ZFHX3: variants seen among roughly 807,000 people sequenced by gnomAD.
ZFHX3 encodes zinc finger homeobox protein 3.
Under a neutral mutation model 279.1 loss-of-function variants are expected in ZFHX3, and 42 were observed. The ratio of observed to expected loss-of-function variants is 0.15; its 90% CI spans 0.12 to 0.19. The LOEUF (loss-of-function observed/expected upper bound fraction) is 0.19. ZFHX3 is among the 10% of genes least tolerant of loss of function. ZFHX3 has a pLI of 1.00. For missense variants in ZFHX3, 4,981 were observed against 4,754.0 expected (o/e 1.05, Z -1.40); for synonymous variants, 2,293 against 1,957.8 (o/e 1.17, Z -4.52).
At chr16:72,900,951 G>A (rs897357962) in intron 3 of ZFHX3, among the ~76,000 whole-genome samples, 4 of 152,222 alleles carry the variant, frequency 2.6e-5, no homozygotes, top group Admixed American at 6.5e-5. Context: ...TTCCCAAAGA[G>A]TATCTTAAAT....
chr16:72,919,330 TG>T (rs1397347265), intron 3 of ZFHX3, among the ~76,000 whole-genome samples: 2 of 152,078 alleles, frequency 1.3e-5, no homozygotes, highest in Non-Finnish European at 2.9e-5. Context: ...GGCTAATTTT[TG>T]TATTTTTTTG....
intron 4 of ZFHX3, among the ~76,000 whole-genome samples, chr16:73,304,646 A>T (rs1236290573): frequency 2.0e-5 from 3 of 152,138 alleles, no homozygotes; most frequent in Non-Finnish European, 4.4e-5. Flanking sequence ...CTCTTATCTA[A>T]AGCAGCATGT....
Position 73,002,192 on chromosome 16 carries a change from G to A in ZFHX3, c.-49-41998C>T, listed in dbSNP as rs72795142. 8.9e-3 allele frequency among the ~76,000 whole-genome samples: 1,361 copies of A among 152,260 alleles called. 14 individuals are homozygous for A. Among genetic ancestry groups the A allele is most frequent in the Middle Eastern group, 0.014 (4 of 294 alleles). On this transcript the variant is annotated intron_variant, in intron 1 of 9. Coordinates refer to ENST00000268489, the MANE Select transcript of ZFHX3 (RefSeq NM_006885.4). ...ACTCAAACCCCCGCCAGGATAGCACGTGACTCTTTAGGGATTCCAGGAAAC... is the reference window on the plus strand; with the variant it reads ...ACTCAAACCCCCGCCAGGATAGCACATGACTCTTTAGGGATTCCAGGAAAC...
intron 1 of ZFHX3, among the ~76,000 whole-genome samples, chr16:73,833,326 C>G (rs1002619730): frequency 2.6e-5 from 4 of 152,096 alleles, no homozygotes; most frequent in Non-Finnish European, 4.4e-5. Flanking sequence ...TCATACCACT[C>G]AAGTCTGGGC....
chr16:73,206,980 T>A (rs1000089637), intron 5 of ZFHX3, among the ~76,000 whole-genome samples: 2 of 151,414 alleles, frequency 1.3e-5, no homozygotes, highest in Non-Finnish European at 2.9e-5. Context: ...ATCACGCCAC[T>A]GCACTCCAGC....
intron 4 of ZFHX3, among the ~76,000 whole-genome samples, chr16:73,268,591 G>A (rs905471915): frequency 6.6e-5 from 10 of 152,200 alleles, no homozygotes; most frequent in Non-Finnish European, 1.0e-4. Flanking sequence ...AATTAGCACC[G>A]TGGTAAATGC....
intron 2 of ZFHX3, among the ~76,000 whole-genome samples, chr16:73,562,041 C>G (rs139705738): frequency 6.6e-6 from 1 of 152,118 alleles, no homozygotes; most frequent in African/African-American, 2.4e-5. Flanking sequence ...TTGAGACAAG[C>G]GAATACATGT....
chr16:72,994,929 T>A (rs1032760378), intron 1 of ZFHX3, among the ~76,000 whole-genome samples: 2 of 152,200 alleles, frequency 1.3e-5, no homozygotes, highest in African/African-American at 4.8e-5. Context: ...AACCCCTGTT[T>A]GAAAGCATTC....
intron 1 of ZFHX3, among the ~76,000 whole-genome samples, chr16:73,808,095 G>A (rs1299718883): frequency 6.6e-6 from 1 of 152,146 alleles, no homozygotes; most frequent in Non-Finnish European, 1.5e-5. Context: ...TAAGGGTGGG[G>A]CATGGGCAGG....
intron 3 of ZFHX3, among the ~76,000 whole-genome samples, chr16:73,383,856 G>A (rs553590753): frequency 2.6e-5 from 4 of 152,292 alleles, no homozygotes; most frequent in African/African-American, 9.6e-5. Flanking sequence ...GCGGTGCCTC[G>A]TGCTCTGCAC....
At chr16:73,066,007 C>G (rs1049621691) in intron 8 of ZFHX3, among the ~76,000 whole-genome samples, 2 of 152,186 alleles carry the variant, frequency 1.3e-5, no homozygotes, top group African/African-American at 4.8e-5. Context: ...GCCCCACGGC[C>G]GGCAGGAGTC....
intron 1 of ZFHX3, among the ~76,000 whole-genome samples, chr16:72,975,359 C>T (rs1962302914): frequency 1.3e-5 from 2 of 152,180 alleles, no homozygotes; most frequent in Non-Finnish European, 2.9e-5. Context: ...AGCAGAATCA[C>T]TTGAACCCGG....
chr16:72,799,309 A>G (rs2036020031), intron 8 of ZFHX3, among the ~76,000 whole-genome samples: 2 of 152,222 alleles, frequency 1.3e-5, no homozygotes, highest in Non-Finnish European at 2.9e-5. Context: ...TCAAGTGTTC[A>G]ATTATTTAAA....
chr16:73,875,418 G>T (rs1460751267), intron 1 of ZFHX3, among the ~76,000 whole-genome samples: 1 of 151,960 alleles, frequency 6.6e-6, no homozygotes, highest in African/African-American at 2.4e-5. Flanking sequence ...AAGCATAAAG[G>T]CATTAAAGTA....
At chr16:73,570,389 A>G (rs1267207945) in intron 2 of ZFHX3, among the ~76,000 whole-genome samples, 1 of 152,206 alleles carries the variant, frequency 6.6e-6, no homozygotes, top group Non-Finnish European at 1.5e-5. Context: ...ATGTTTCTTA[A>G]GATGTCTATT....
At chr16:73,148,126 A>G (rs752690540) in intron 5 of ZFHX3, among the ~76,000 whole-genome samples, 27 of 152,176 alleles carry the variant, frequency 1.8e-4, no homozygotes, top group Non-Finnish European at 3.5e-4. Context: ...ACACTCATTC[A>G]TTTATGTATT....
At chr16:73,226,766 C>T (rs1041788725) in intron 5 of ZFHX3, among the ~76,000 whole-genome samples, 5 of 152,160 alleles carry the variant, frequency 3.3e-5, no homozygotes, top group African/African-American at 1.2e-4. Flanking sequence ...TGACATCAGT[C>T]TGTTTGGGAT....
chr16:73,135,633 T>TCTATGTG (rs1230854483), intron 6 of ZFHX3, among the ~76,000 whole-genome samples: 1 of 152,038 alleles, frequency 6.6e-6, no homozygotes, highest in African/African-American at 2.4e-5. Context: ...AAAACACTAT[T>TCTATGTG]CTATGTGCGG....
At chr16:73,563,284 C>T (rs2020402521) in intron 2 of ZFHX3, among the ~76,000 whole-genome samples, 1 of 149,658 alleles carries the variant, frequency 6.7e-6, no homozygotes, top group African/African-American at 2.5e-5. Flanking sequence ...GCCACCCGGG[C>T]TGGAGCGCAT....
Sources: allele counts gnomAD v4.1 joint callset (sites outside exome capture counted in the v4.1 genomes callset), GRCh38; gene constraint gnomAD v4.1.1; transcripts MANE v1.5; gene names NCBI Gene and HGNC (gene_info 2026-07-23, HGNC 2026-07-21).